Variants in ACVR2A observed in about 807,000 individuals in gnomAD.
ACVR2A encodes activin receptor type-2A.
In ACVR2A, 7 loss-of-function variants were observed where a neutral mutation model predicts 61.4. That is an observed-to-expected ratio of 0.11 (90% confidence interval 0.06 to 0.21). The LOEUF (loss-of-function observed/expected upper bound fraction) is 0.21. Ranked by LOEUF, ACVR2A falls within the 10% of genes least tolerant of loss-of-function variation. The pLI, the probability that ACVR2A is intolerant of heterozygous loss-of-function variation, is 1.00. For missense variants in ACVR2A, 322 were observed against 621.7 expected (o/e 0.52, Z 5.13); for synonymous variants, 193 against 208.3 (o/e 0.93, Z 0.63).
chr2:147,892,708 G>T (rs1033766497), intron 1 of ACVR2A, among the ~76,000 whole-genome samples: 2 of 151,548 alleles, frequency 1.3e-5, no homozygotes, highest in African/African-American at 4.8e-5. Context: ...TATTGTATCT[G>T]TTTCTCCGTT....
intron 1 of ACVR2A, among the ~76,000 whole-genome samples, chr2:147,867,004 G>T (rs1256309290): frequency 6.6e-6 from 1 of 152,130 alleles, no homozygotes; most frequent in Non-Finnish European, 1.5e-5. Context: ...AGATCAAGGT[G>T]TGTCCAGAAA....
intron 1 of ACVR2A, among the ~76,000 whole-genome samples, chr2:147,887,442 A>G (rs531450878): frequency 6.6e-6 from 1 of 152,288 alleles, no homozygotes; most frequent in South Asian, 2.1e-4. Flanking sequence ...ATATTACACT[A>G]TTTGCTTGCA....
intron 1 of ACVR2A, among the ~76,000 whole-genome samples, chr2:147,847,693 T>C (rs918654970): frequency 1.3e-5 from 2 of 152,204 alleles, no homozygotes; most frequent in Non-Finnish European, 2.9e-5. Flanking sequence ...CTCTCTCTCA[T>C]TCCAGGGGAA....
At chr2:147,915,664 G>A (rs1274919764) in intron 5 of ACVR2A, among the ~76,000 whole-genome samples, 3 of 151,858 alleles carry the variant, frequency 2.0e-5, no homozygotes, top group Non-Finnish European at 2.9e-5. Context: ...CCCCTACGTT[G>A]TCAGAGAAAG....
intron 1 of ACVR2A, among the ~76,000 whole-genome samples, chr2:147,877,851 G>T (rs117980567): frequency 6.6e-6 from 1 of 152,182 alleles, no homozygotes; most frequent in East Asian, 1.9e-4. Flanking sequence ...AGTCTACACT[G>T]TGTTGTCCAT....
chr2:147,894,248 C>T (rs1686668183), intron 1 of ACVR2A, among the ~76,000 whole-genome samples: 2 of 152,038 alleles, frequency 1.3e-5, no homozygotes, highest in Non-Finnish European at 2.9e-5. Flanking sequence ...TTCACTATAA[C>T]CATACTGTTT....
chr2:147,888,546 G>A (rs1158775471), intron 1 of ACVR2A, among the ~76,000 whole-genome samples: 1 of 152,054 alleles, frequency 6.6e-6, no homozygotes, highest in Non-Finnish European at 1.5e-5. Flanking sequence ...AACCGTAACT[G>A]GTGTTGCATT....
intron 1 of ACVR2A, among the ~76,000 whole-genome samples, chr2:147,892,284 C>T (rs182286504): frequency 7.5e-4 from 114 of 151,644 alleles, no homozygotes; most frequent in African/African-American, 2.3e-3. Context: ...CTTTTATACA[C>T]GGTTGAGATG....
At chr2:147,903,728 T>C (rs1686925517) in intron 4 of ACVR2A, among the ~76,000 whole-genome samples, 2 of 151,930 alleles carry the variant, frequency 1.3e-5, no homozygotes, top group Non-Finnish European at 2.9e-5. Context: ...GAGAAAATAG[T>C]GCTTGGGTCA....
chr2:147,906,754 C>T (rs937018054), intron 4 of ACVR2A, among the ~76,000 whole-genome samples: 4 of 150,438 alleles, frequency 2.7e-5, no homozygotes, highest in Non-Finnish European at 5.9e-5. Context: ...ATACAGATCA[C>T]TTTACACATA....
At chr2:147,887,822 T>C (rs912520867) in intron 1 of ACVR2A, among the ~76,000 whole-genome samples, 1 of 152,146 alleles carries the variant, frequency 6.6e-6, no homozygotes, top group Non-Finnish European at 1.5e-5. Context: ...TGAGTAAATA[T>C]AAAACAATTA....
At chr2:147,927,044 G>A in intron 10 of ACVR2A, 36 bp from the exon 11 acceptor site, 1 of 1,580,204 alleles carries the variant, frequency 6.3e-7, no homozygotes, top group Non-Finnish European at 8.6e-7. Flanking sequence ...AACAAAAACT[G>A]CTGTGGCGTT....
At chr2:147,882,604 T>C (rs750620250) in intron 1 of ACVR2A, among the ~76,000 whole-genome samples, 4 of 152,194 alleles carry the variant, frequency 2.6e-5, no homozygotes, top group Admixed American at 6.6e-5. Context: ...TGGTTAAATG[T>C]TGACTTCCAA....
rs1229399678 is a variant in ACVR2A at position 147,928,852 on chromosome 2, T to TAATC, written c.*1581_*1584dup. On this transcript the variant is annotated 3_prime_UTR_variant, in exon 11 of 11. Transcript: ENST00000241416. ...CTGAATTTCCAGATTACCAATCAATTAATCAACAAATAGCCAGTATTATGC... is the reference window on the plus strand; with the variant it reads ...CTGAATTTCCAGATTACCAATCAATTAATCAATCAACAAATAGCCAGTATTATGC... The TAATC allele has an allele frequency of 6.6e-6, 1 of 152,536 alleles. No homozygotes were observed. The highest frequency in any genetic ancestry group is 6.6e-5 in the Admixed American group (1 of 15,226). 9.4% of individuals were successfully genotyped at this position (152,536 alleles called of 1,614,324 possible).
chr2:147,892,963 T>G (rs1686625164), intron 1 of ACVR2A, among the ~76,000 whole-genome samples: 1 of 152,156 alleles, frequency 6.6e-6, no homozygotes, highest in Non-Finnish European at 1.5e-5. Context: ...AAGTTTTGAT[T>G]AGAATATATG....
intron 4 of ACVR2A, among the ~76,000 whole-genome samples, chr2:147,908,829 G>GTC (rs891754117): frequency 1.3e-4 from 19 of 151,534 alleles, no homozygotes; most frequent in African/African-American, 3.6e-4. Context: ...AAAAAAATCA[G>GTC]TCTCTCTCTC....
chr2:147,924,016 A>G (rs1003012446), intron 9 of ACVR2A, among the ~76,000 whole-genome samples: 4 of 152,108 alleles, frequency 2.6e-5, no homozygotes, highest in Admixed American at 2.0e-4. Context: ...AGGGAATTTA[A>G]TAGAGTGTTC....
chr2:147,879,248 C>CT (rs1180205027), intron 1 of ACVR2A, among the ~76,000 whole-genome samples: 1 of 152,138 alleles, frequency 6.6e-6, no homozygotes, highest in Non-Finnish European at 1.5e-5. Flanking sequence ...AATTTCTTCT[C>CT]TTACAGTTCT....
At position 147,896,353 on chromosome 2, in the gene ACVR2A, T is replaced by C. The variant is rs772358721; in HGVS notation, c.108T>C (p.Asn36=). The stretch of plus-strand genomic sequence containing the variant: ...AGGAGTGTCTTTTCTTTAATGCTAA[T>C]TGGGAAAAAGACAGAACCAATCAAA... The part of the protein sequence containing the change: ...ETQECLFFNA[N]WEKDRTNQTG... The change falls in exon 2 of 11, where the codon AAT becomes AAC. Residue 36 remains asparagine, a synonymous_variant. Transcript: ENST00000241416. 6.2e-7 allele frequency: 1 copy of C among 1,613,934 alleles called. No individual in the cohort carries two copies. The highest frequency in any genetic ancestry group is 8.5e-7 in the Non-Finnish European group (1 of 1,179,918).
Sources: allele counts gnomAD v4.1 joint callset (sites outside exome capture counted in the v4.1 genomes callset), GRCh38; gene constraint gnomAD v4.1.1; transcripts MANE v1.5; gene names NCBI Gene and HGNC (gene_info 2026-07-23, HGNC 2026-07-21).